The following RBFOX1 variants were observed in gnomAD, a reference collection of about 807,000 sequenced individuals.
The protein encoded by RBFOX1 is RNA binding fox-1 homolog 1, also known as RNA binding protein fox-1 homolog 1.
Under a neutral mutation model 57.7 loss-of-function variants are expected in RBFOX1, and 8 were observed. The observed-to-expected ratio is 0.14, with a 90% confidence interval of 0.08 to 0.25. The LOEUF is 0.25. Ranked by LOEUF, RBFOX1 falls within the 10% of genes least tolerant of loss-of-function variation. The pLI is 1.00. For missense variants in RBFOX1, 611 were observed against 548.5 expected, an observed-to-expected ratio of 1.11 and a Z score of -1.14; for synonymous variants, 326 against 222.4, an observed-to-expected ratio of 1.47 and a Z score of -4.15.
intron 2 of RBFOX1, among the ~76,000 whole-genome samples, chr16:6,447,317 C>T (rs866493139): frequency 6.6e-6 from 1 of 152,098 alleles, no homozygotes; most frequent in African/African-American, 2.4e-5. Flanking sequence ...TGTTAGCTAC[C>T]GGATAATTTA....
chr16:7,232,872 G>C (rs947609131), intron 4 of RBFOX1, among the ~76,000 whole-genome samples: 2 of 114,122 alleles, frequency 1.8e-5, no homozygotes, highest in Non-Finnish European at 3.7e-5. Context: ...AAAAAAAAAA[G>C]AATGAGGTAA....
At chr16:7,061,165 T>C (rs2054141109) in intron 4 of RBFOX1, among the ~76,000 whole-genome samples, 1 of 152,124 alleles carries the variant, frequency 6.6e-6, no homozygotes, top group South Asian at 2.1e-4. Context: ...AGTAATTAGT[T>C]CTCTACTTCT....
At chr16:7,291,691 C>T (rs1322166350) in intron 4 of RBFOX1, among the ~76,000 whole-genome samples, 1 of 151,792 alleles carries the variant, frequency 6.6e-6, no homozygotes, top group East Asian at 1.9e-4. Context: ...GGCACTGAGA[C>T]ATGCAGGAGG....
intron 4 of RBFOX1, among the ~76,000 whole-genome samples, chr16:7,168,043 C>T (rs1052973493): frequency 1.3e-5 from 2 of 152,016 alleles, no homozygotes; most frequent in South Asian, 2.1e-4. Flanking sequence ...GTTTTTTCCT[C>T]CTTAGAGGAA....
intron 3 of RBFOX1, among the ~76,000 whole-genome samples, chr16:7,012,411 C>T (rs1005121149): frequency 6.6e-6 from 1 of 152,162 alleles, no homozygotes; most frequent in African/African-American, 2.4e-5. Context: ...GTTTCTGAGG[C>T]CACATGGGTG....
intron 3 of RBFOX1, among the ~76,000 whole-genome samples, chr16:6,929,588 A>G (rs1046197964): frequency 2.0e-5 from 3 of 152,078 alleles, no homozygotes; most frequent in Admixed American, 6.6e-5. Context: ...GGCCGGGGAA[A>G]TTTAATTTTT....
chr16:7,491,500 T>G (rs920187793), intron 4 of RBFOX1, among the ~76,000 whole-genome samples: 1 of 151,620 alleles, frequency 6.6e-6, no homozygotes, highest in Non-Finnish European at 1.5e-5. Flanking sequence ...TTTTCAGAAT[T>G]CCTTTGAGAG....
intron 4 of RBFOX1, among the ~76,000 whole-genome samples, chr16:7,110,187 C>CAAA (rs59148096): frequency 7.4e-5 from 10 of 135,184 alleles, no homozygotes; most frequent in South Asian, 2.4e-4. Flanking sequence ...CCCCGTGTCT[C>CAAA]AAAAAAAAAA....
intron 4 of RBFOX1, among the ~76,000 whole-genome samples, chr16:7,247,940 C>T (rs991040908): frequency 1.3e-5 from 2 of 152,138 alleles, no homozygotes; most frequent in Non-Finnish European, 2.9e-5. Context: ...CTAATGAGTA[C>T]TAGGCTTAAT....
rs1295115642 is a variant in RBFOX1 at position 5,808,044 on chromosome 16, G to GT, written c.319-59255dup. Among the ~76,000 whole-genome samples the GT allele has an allele frequency of 2.6e-5, 4 of 152,288 alleles. No homozygotes were observed. The East Asian group carries it at 5.8e-4, about 22-fold the overall frequency. On this transcript the variant is annotated intron_variant, in intron 3 of 19. Coordinates refer to the RBFOX1 transcript ENST00000641259. ...CCTTCTATGCCTGAATCCTAAGAGG[G>GT]TTTTGTGGGCTGAATTTTGTCCCCA...
At chr16:6,600,613 G>A (rs2097841784) in intron 2 of RBFOX1, among the ~76,000 whole-genome samples, 1 of 152,114 alleles carries the variant, frequency 6.6e-6, no homozygotes, top group Non-Finnish European at 1.5e-5. Context: ...ATCATTTCTG[G>A]GGAAATCAGA....
intron 4 of RBFOX1, among the ~76,000 whole-genome samples, chr16:5,942,396 C>T (rs759264784): frequency 6.6e-5 from 10 of 152,200 alleles, no homozygotes; most frequent in African/African-American, 1.9e-4. Flanking sequence ...TCATGAGTCA[C>T]GGGTCTGAGT....
At chr16:5,412,913 C>T (rs947663050) in intron 1 of RBFOX1, among the ~76,000 whole-genome samples, 12 of 152,180 alleles carry the variant, frequency 7.9e-5, no homozygotes, top group African/African-American at 2.9e-4. Flanking sequence ...CGCCACCCAC[C>T]CAGGACATGG....
intron 2 of RBFOX1, among the ~76,000 whole-genome samples, chr16:6,611,809 C>T (rs1036921885): frequency 1.3e-5 from 2 of 152,118 alleles, no homozygotes; most frequent in African/African-American, 4.8e-5. Flanking sequence ...ACCCTGAGTC[C>T]TCCCTCAGGG....
chr16:5,638,184 A>G (rs887974550), intron 3 of RBFOX1, among the ~76,000 whole-genome samples: 11 of 152,298 alleles, frequency 7.2e-5, no homozygotes, highest in African/African-American at 2.6e-4. Context: ...TGCAGTGGCA[A>G]TTGTTACTGT....
rs149839540 is a variant in RBFOX1 at position 5,847,973 on chromosome 16, C to G, written c.319-19330C>G. ...TTTGAGGAGCTCTAGTGCCATGGCT[C>G]TGACATCATCTGGTGTAGTGTAAAC... On this transcript the variant is annotated intron_variant, in intron 3 of 19. Transcript: ENST00000641259. Among the ~76,000 whole-genome samples the G allele has an allele frequency of 2.3e-4, 35 of 152,242 alleles. 1 individual carries two copies. Among genetic ancestry groups the G allele is most frequent in the African/African-American group, 7.9e-4 (33 of 41,536 alleles).
intron 2 of RBFOX1, among the ~76,000 whole-genome samples, chr16:6,650,301 C>G (rs1408870125): frequency 1.4e-5 from 2 of 147,146 alleles, no homozygotes; most frequent in African/African-American, 2.5e-5. Context: ...TCTTTTTTTG[C>G]TGTGAATAAC....
intron 4 of RBFOX1, among the ~76,000 whole-genome samples, chr16:5,997,383 T>A (rs545276775): frequency 3.3e-4 from 50 of 152,340 alleles, no homozygotes; most frequent in Admixed American, 2.2e-3. Flanking sequence ...TCTGAAAGCA[T>A]CATGAATTTG....
intron 3 of RBFOX1, among the ~76,000 whole-genome samples, chr16:5,794,806 C>A (rs1474779230): frequency 1.3e-5 from 2 of 152,158 alleles, no homozygotes; most frequent in African/African-American, 4.8e-5. Flanking sequence ...AATATTAAAT[C>A]TAGGCAGAGG....
Sources: gnomAD v4.1 joint callset for allele counts (sites outside exome capture counted in the v4.1 genomes callset) on GRCh38, gnomAD v4.1.1 for gene constraint, MANE v1.5 for transcripts, NCBI Gene and HGNC (gene_info 2026-07-23, HGNC 2026-07-21) for gene names.